KCNJ15: variants seen among roughly 807,000 people sequenced by gnomAD.
KCNJ15 encodes ATP-sensitive inward rectifier potassium channel 15.
KCNJ15 carries 14 observed loss-of-function variants against 23.0 expected under a neutral mutation model. The observed-to-expected ratio is 0.61, with a 90% CI of 0.40 to 0.95. The LOEUF (loss-of-function observed/expected upper bound fraction) is 0.95. Ranked by LOEUF, KCNJ15 falls within the 40% of genes least tolerant of loss-of-function variation. The probability of loss-of-function intolerance (pLI) is 0.00; values close to 1 mark genes in which losing one functional copy is unlikely to be tolerated. For missense variants in KCNJ15, 388 were observed against 461.8 expected (o/e 0.84, Z 1.46); for synonymous variants, 185 against 183.2 (o/e 1.01, Z -0.08).
chr21:38,239,557 A>G (rs775704242), intron 1 of KCNJ15, among the ~76,000 whole-genome samples: 1 of 152,246 alleles, frequency 6.6e-6, no homozygotes, highest in Non-Finnish European at 1.5e-5. Flanking sequence ...AAGGTACTTA[A>G]TTTCAACCAC....
intron 1 of KCNJ15, among the ~76,000 whole-genome samples, chr21:38,281,921 G>T (rs999237059): frequency 6.6e-6 from 1 of 151,988 alleles, no homozygotes; most frequent in African/African-American, 2.4e-5. Flanking sequence ...TTGCAGCCTT[G>T]GCCAGCAACT....
chr21:38,246,720 T>C (rs1979392364), intron 1 of KCNJ15, among the ~76,000 whole-genome samples: 1 of 152,224 alleles, frequency 6.6e-6, no homozygotes, highest in African/African-American at 2.4e-5. Flanking sequence ...TCTGCATTAT[T>C]ACCACAATAC....
Position 38,296,968 on chromosome 21 carries a change from C to G in KCNJ15, c.-74C>G, listed in dbSNP as rs966148285. On this transcript the variant is annotated 5_prime_UTR_variant, in exon 2 of 3. Transcript: ENST00000398938. ...TGGTAGCCAGGTGGGTGAAGGGGAG[C>G]GAGGACGTTCTACCTGCCTTGAAGA... 1 of 152,622 alleles carries G rather than the reference C, an allele frequency of 6.6e-6. No individual in the cohort carries two copies. The highest frequency in any genetic ancestry group is 2.4e-5 in the African/African-American group (1 of 41,390). The allele number at this position is 152,622 out of a possible 1,614,324, so 9.5% of individuals were successfully genotyped here. A position where few individuals can be genotyped will look rare whatever the true frequency, so the allele number is the denominator to read the frequency against.
chr21:38,230,059 A>G (rs1353083092), intron 1 of KCNJ15, among the ~76,000 whole-genome samples: 1 of 152,204 alleles, frequency 6.6e-6, no homozygotes, highest in Non-Finnish European at 1.5e-5. Flanking sequence ...ATAACTAAGA[A>G]TAGAATGATT....
chr21:38,286,025 C>T (rs542636819), intron 1 of KCNJ15, among the ~76,000 whole-genome samples: 26 of 152,184 alleles, frequency 1.7e-4, no homozygotes, highest in Middle Eastern at 3.4e-3. Context: ...GGGCGGATCA[C>T]GAGGTCAGGA....
chr21:38,250,737 T>A (rs531763089), intron 1 of KCNJ15, among the ~76,000 whole-genome samples: 13 of 152,322 alleles, frequency 8.5e-5, no homozygotes, highest in African/African-American at 3.1e-4. Context: ...TGATCATCAG[T>A]CAAGCACCAA....
At chr21:38,234,199 C>A (rs191917479) in intron 1 of KCNJ15, among the ~76,000 whole-genome samples, 5 of 152,306 alleles carry the variant, frequency 3.3e-5, no homozygotes, top group African/African-American at 1.2e-4. Context: ...GCCTGGGGAC[C>A]ACATGTAGCC....
intron 1 of KCNJ15, among the ~76,000 whole-genome samples, chr21:38,257,954 A>C (rs1029761174): frequency 2.0e-5 from 3 of 152,226 alleles, no homozygotes; most frequent in African/African-American, 4.8e-5. Context: ...CTTTTAACCC[A>C]CAGGTTAGAA....
At chr21:38,234,858 A>C (rs1403555264) in intron 1 of KCNJ15, among the ~76,000 whole-genome samples, 1 of 152,282 alleles carries the variant, frequency 6.6e-6, no homozygotes, top group East Asian at 1.9e-4. Context: ...GAGTCAGACA[A>C]GTAAGAATGA....
At chr21:38,295,654 C>T (rs1985078317) in intron 1 of KCNJ15, among the ~76,000 whole-genome samples, 1 of 151,874 alleles carries the variant, frequency 6.6e-6, no homozygotes, top group Non-Finnish European at 1.5e-5. Flanking sequence ...TGTTGCTTAC[C>T]ATGTTAGAAG....
chr21:38,262,887 AG>A (rs1981063438), intron 1 of KCNJ15, among the ~76,000 whole-genome samples: 1 of 152,152 alleles, frequency 6.6e-6, no homozygotes, highest in African/African-American at 2.4e-5. Flanking sequence ...CATGTTGGCC[AG>A]GCTGGTCTTG....
At chr21:38,237,845 G>C (rs920771608) in intron 1 of KCNJ15, among the ~76,000 whole-genome samples, 1 of 152,174 alleles carries the variant, frequency 6.6e-6, no homozygotes, top group African/African-American at 2.4e-5. Context: ...GGACACAGCA[G>C]GGCCCAGTGA....
rs181311641 is a variant in KCNJ15 at position 38,238,047 on chromosome 21, A to G, written c.-398-18999A>G. 54 of 262,954 alleles carry G rather than the reference A, an allele frequency of 2.1e-4. No homozygotes were observed. The East Asian group carries it at 4.6e-3, about 23-fold the overall frequency. The allele number at this position is 262,954 out of a possible 1,614,324, so 16.3% of individuals were successfully genotyped here. ...ACTGTAATTTTTTCCCCACCGTAGG[A>G]TACTGTTAAGTTTATTCTAGGGTGA... On this transcript the variant is annotated intron_variant, in intron 1 of 4. Transcript: ENST00000547341.
intron 1 of KCNJ15, among the ~76,000 whole-genome samples, chr21:38,277,252 AG>A (rs1385872174): frequency 6.6e-6 from 1 of 152,212 alleles, no homozygotes; most frequent in Non-Finnish European, 1.5e-5. Context: ...GAGGAGGATT[AG>A]GGGAGCACTT....
chr21:38,269,979 G>C (rs998936050), intron 1 of KCNJ15, among the ~76,000 whole-genome samples: 1 of 152,054 alleles, frequency 6.6e-6, no homozygotes, highest in Admixed American at 6.6e-5. Flanking sequence ...TCCCCAGCAA[G>C]GCCCCCCGCC....
intron 1 of KCNJ15, among the ~76,000 whole-genome samples, chr21:38,245,746 AAG>A (rs1979333729): frequency 6.6e-6 from 1 of 151,626 alleles, no homozygotes; most frequent in African/African-American, 2.4e-5. Flanking sequence ...AGGAAGGAGA[AAG>A]AGAATGAAAG....
At chr21:38,278,604 G>A (rs2123671422) in intron 1 of KCNJ15, among the ~76,000 whole-genome samples, 1 of 152,232 alleles carries the variant, frequency 6.6e-6, no homozygotes, top group East Asian at 1.9e-4. Flanking sequence ...CAATCATGTA[G>A]AGAAAGCCCC....
intron 1 of KCNJ15, among the ~76,000 whole-genome samples, chr21:38,269,246 CA>C (rs372296212): frequency 1.9e-3 from 290 of 152,228 alleles, no homozygotes; most frequent in African/African-American, 6.7e-3. Flanking sequence ...CAAAACAAAA[CA>C]AAACTTACTT....
At chr21:38,274,411 A>T (rs1360476443) in intron 1 of KCNJ15, among the ~76,000 whole-genome samples, 2 of 75,248 alleles carry the variant, frequency 2.7e-5, no homozygotes. Flanking sequence ...AAACAGGAAG[A>T]TGCTGTCTGT....
Sources: allele counts gnomAD v4.1 joint callset (sites outside exome capture counted in the v4.1 genomes callset), GRCh38; gene constraint gnomAD v4.1.1; transcripts MANE v1.5; gene names NCBI Gene and HGNC (gene_info 2026-07-23, HGNC 2026-07-21).